The following ZNF438 variants were observed in gnomAD, a reference collection of about 807,000 sequenced individuals.
ZNF438 encodes zinc finger protein 438.
In ZNF438, 25 loss-of-function variants were observed where a neutral mutation model predicts 38.0. The observed-to-expected ratio is 0.66, with a 90% CI of 0.48 to 0.92. The LOEUF (loss-of-function observed/expected upper bound fraction) is 0.92, where lower values mean the gene tolerates loss of function less well. Among genes scored for constraint, ZNF438 ranks in the 40% least tolerant of loss-of-function variants. The pLI, the probability that ZNF438 is intolerant of heterozygous loss-of-function variation, is 0.00. For synonymous variants in ZNF438, 372 were observed against 364.1 expected (o/e 1.02, Z -0.25); for missense variants, 1,007 against 999.6 (o/e 1.01, Z -0.10).
intron 2 of ZNF438, among the ~76,000 whole-genome samples, chr10:30,928,920 T>C (rs2045292598): frequency 6.6e-6 from 1 of 152,222 alleles, no homozygotes; most frequent in South Asian, 2.1e-4. Context: ...CCTCCTGATA[T>C]CACTGTCGTC....
chr10:31,030,854 T>C (rs570310799), intron 1 of ZNF438, among the ~76,000 whole-genome samples: 2 of 152,336 alleles, frequency 1.3e-5, no homozygotes, highest in South Asian at 4.1e-4. Context: ...GACCAAAATA[T>C]TCAAGCAGTC....
At chr10:30,899,053 A>G (rs981863114) in intron 3 of ZNF438, among the ~76,000 whole-genome samples, 1 of 152,148 alleles carries the variant, frequency 6.6e-6, no homozygotes, top group African/African-American at 2.4e-5. Context: ...TTCTTTGCAC[A>G]ATTTAATTCT....
intron 2 of ZNF438, among the ~76,000 whole-genome samples, chr10:30,924,372 G>A (rs1177162065): frequency 1.3e-5 from 2 of 152,230 alleles, no homozygotes; most frequent in East Asian, 3.8e-4. Flanking sequence ...ATGTAACGAT[G>A]TGTGAGAAAA....
At chr10:30,938,152 C>T (rs74859070) in intron 2 of ZNF438, among the ~76,000 whole-genome samples, 12,085 of 152,214 alleles carry the variant, frequency 0.079, 573 homozygotes, top group Non-Finnish European at 0.11. Flanking sequence ...TTCCCTGCCC[C>T]GCACCCCCAT....
intron 3 of ZNF438, among the ~76,000 whole-genome samples, chr10:30,899,720 C>G (rs1158102693): frequency 6.6e-6 from 1 of 151,954 alleles, no homozygotes; most frequent in Non-Finnish European, 1.5e-5. Flanking sequence ...TAATCCAAAT[C>G]TTAATACTCT....
At chr10:30,878,841 G>T (rs1403340388) in intron 3 of ZNF438, among the ~76,000 whole-genome samples, 1 of 152,146 alleles carries the variant, frequency 6.6e-6, no homozygotes, top group African/African-American at 2.4e-5. Context: ...GCTCCCTCCT[G>T]CAAGGGGTTG....
intron 1 of ZNF438, among the ~76,000 whole-genome samples, chr10:30,973,604 G>C (rs945400691): frequency 6.6e-6 from 1 of 152,116 alleles, no homozygotes; most frequent in Admixed American, 6.6e-5. Context: ...TTTCTGAAAT[G>C]AAACAACTCT....
At chr10:31,011,043 G>A (rs1479963334) in intron 1 of ZNF438, among the ~76,000 whole-genome samples, 5 of 152,070 alleles carry the variant, frequency 3.3e-5, no homozygotes, top group Non-Finnish European at 7.4e-5. Context: ...TCAGGAAGAT[G>A]CACCATGCAT....
At chr10:30,907,651 TAA>T (rs2042712759) in intron 3 of ZNF438, among the ~76,000 whole-genome samples, 1 of 152,188 alleles carries the variant, frequency 6.6e-6, no homozygotes. Context: ...TTTTGACATA[TAA>T]TTACCTTTTT....
At chr10:31,010,773 T>C (rs772092690) in intron 1 of ZNF438, among the ~76,000 whole-genome samples, 3 of 151,554 alleles carry the variant, frequency 2.0e-5, no homozygotes, top group Non-Finnish European at 2.9e-5. Context: ...TCTGTAGTTC[T>C]AGGTACTTTC....
rs370922851 is a variant in ZNF438, at chr10:30,887,407, C to T, written c.-31-10342G>A. ...TTTTTTTTTGAGACGGAGTCTCACA[C>T]TGTTGCCCAGGCTGGAGTGCAGTGG... On this transcript the variant is annotated intron_variant, in intron 3 of 5. Coordinates refer to ENST00000413025, the Ensembl canonical transcript of ZNF438. 2.6e-5 allele frequency among the ~76,000 whole-genome samples: 4 copies of T among 152,208 alleles called. No individual in the cohort carries two copies. The East Asian group carries it at 7.7e-4, about 29-fold the overall frequency.
intron 1 of ZNF438, among the ~76,000 whole-genome samples, chr10:30,989,102 C>T (rs979378786): frequency 1.8e-4 from 27 of 152,116 alleles, no homozygotes; most frequent in Non-Finnish European, 7.4e-5. Flanking sequence ...GCCTATTTTG[C>T]AATTTTTACA....
chr10:31,003,322 G>A (rs752032308), intron 1 of ZNF438, among the ~76,000 whole-genome samples: 15 of 152,088 alleles, frequency 9.9e-5, no homozygotes, highest in South Asian at 4.1e-4. Context: ...ATGTTTTACC[G>A]TGGGAGGACC....
At chr10:30,914,842 TA>T (rs1418066275) in intron 2 of ZNF438, among the ~76,000 whole-genome samples, 2 of 152,004 alleles carry the variant, frequency 1.3e-5, no homozygotes, top group Middle Eastern at 3.2e-3. Context: ...TCAATATTTT[TA>T]AAAAGTAGAT....
chr10:30,844,948 C>T (rs2132560522), exon 6 of ZNF438: 2 of 1,609,344 alleles, frequency 1.2e-6, no homozygotes, highest in East Asian at 2.2e-5. Flanking sequence ...TAACCCCAGG[C>T]TGCCTTGGGG....
chr10:30,888,533 C>T (rs1010904449), intron 3 of ZNF438, among the ~76,000 whole-genome samples: 1 of 152,140 alleles, frequency 6.6e-6, no homozygotes, highest in East Asian at 1.9e-4. Flanking sequence ...ACCCTCCACC[C>T]TCTACCCTCA....
At chr10:30,870,339 T>A (rs1256287693) in intron 4 of ZNF438, among the ~76,000 whole-genome samples, 1 of 152,222 alleles carries the variant, frequency 6.6e-6, no homozygotes, top group East Asian at 1.9e-4. Context: ...AATTCCCAGG[T>A]TAGGCAGAAC....
rs1482199264 is a variant in ZNF438 at position 30,966,393 on chromosome 10, G to A, written c.-191-24742C>T. 5.3e-5 allele frequency among the ~76,000 whole-genome samples: 8 copies of A among 152,128 alleles called. No homozygotes were observed. In the South Asian group the frequency reaches 1.5e-3, roughly 28 times the overall value. On this transcript the variant is annotated intron_variant, in intron 1 of 5. Transcript: ENST00000413025. ...TGCTGTTAAAAAGAATCAAGGGGCC[G>A]GGCGTGGTGGCTCATGCTTGTAATC...
At chr10:30,888,346 C>CACACACACACAT (rs1554832416) in intron 3 of ZNF438, among the ~76,000 whole-genome samples, 1 of 151,490 alleles carries the variant, frequency 6.6e-6, no homozygotes, top group Non-Finnish European at 1.5e-5. Context: ...ATATTATAAA[C>CACACACACACAT]ACACACACAC....
Sources: allele counts gnomAD v4.1 joint callset (sites outside exome capture counted in the v4.1 genomes callset), GRCh38; gene constraint gnomAD v4.1.1; transcripts MANE v1.5; gene names NCBI Gene and HGNC (gene_info 2026-07-23, HGNC 2026-07-21).